The following TAFA2 variants were observed in gnomAD, a reference collection of about 807,000 sequenced individuals.
TAFA2 encodes chemokine-like protein TAFA-2.
TAFA2 carries 7 observed loss-of-function variants against 18.8 expected under a neutral mutation model. The ratio of observed to expected loss-of-function variants is 0.37; its 90% CI spans 0.21 to 0.70. The LOEUF (loss-of-function observed/expected upper bound fraction) is 0.70, where lower values mean the gene tolerates loss of function less well. Ranked by LOEUF, TAFA2 falls within the 30% of genes least tolerant of loss-of-function variation. TAFA2 has a pLI of 0.53. For missense variants in TAFA2, 122 were observed against 158.1 expected (o/e 0.77, Z 1.23); for synonymous variants, 60 against 54.2 (o/e 1.11, Z -0.47).
chr12:62,077,555 T>C (rs924973810), intron 1 of TAFA2, among the ~76,000 whole-genome samples: 4 of 152,150 alleles, frequency 2.6e-5, no homozygotes, highest in Non-Finnish European at 5.9e-5. Context: ...AATGACTGGA[T>C]TGTTAAATCC....
At chr12:61,941,885 C>T (rs1342799944) in intron 1 of TAFA2, among the ~76,000 whole-genome samples, 5 of 152,158 alleles carry the variant, frequency 3.3e-5, no homozygotes, top group African/African-American at 9.7e-5. Context: ...GAGGGGCGCC[C>T]GCCATTGCCC....
rs1873404768 is a variant in TAFA2 at position 61,846,329 on chromosome 12, T to C, written c.106+20991A>G. On this transcript the variant is annotated intron_variant, in intron 2 of 4. Coordinates refer to ENST00000416284, the MANE Select transcript of TAFA2 (RefSeq NM_178539.5). Reference sequence around the variant, plus strand: ...ACACCTTCTTCAAGGTATTAAGATGTTGGGCTCTTTCTTTTCTGAGCAAAC... The same window carrying C: ...ACACCTTCTTCAAGGTATTAAGATGCTGGGCTCTTTCTTTTCTGAGCAAAC... Among the ~76,000 whole-genome samples, 5 of 152,140 alleles carry C rather than the reference T, an allele frequency of 3.3e-5. No homozygotes were observed. The South Asian group carries it at 8.3e-4, about 25-fold the overall frequency.
chr12:61,725,851 C>G (rs972305037), intron 4 of TAFA2, among the ~76,000 whole-genome samples: 1 of 151,848 alleles, frequency 6.6e-6, no homozygotes, highest in African/African-American at 2.4e-5. Flanking sequence ...TCTCACTTAT[C>G]AGTGAAAGCT....
chr12:61,891,413 G>A (rs552023009), intron 1 of TAFA2, among the ~76,000 whole-genome samples: 10 of 152,154 alleles, frequency 6.6e-5, no homozygotes, highest in South Asian at 2.1e-4. Context: ...TTGGGAGGCC[G>A]AGGTGGGCGG....
intron 2 of TAFA2, chr12:61,776,361 G>T: frequency 5.8e-6 from 1 of 172,356 alleles, no homozygotes; most frequent in Non-Finnish European, 1.2e-5. Flanking sequence ...CCAACGGAAA[G>T]GAGCCTGGGC....
intron 1 of TAFA2, among the ~76,000 whole-genome samples, chr12:62,046,928 G>A (rs1166633435): frequency 6.6e-6 from 1 of 151,628 alleles, no homozygotes; most frequent in Non-Finnish European, 1.5e-5. Context: ...TAGGTTGGAG[G>A]GTACATGTGC....
At chr12:62,111,877 G>A (rs1351886510) in intron 1 of TAFA2, among the ~76,000 whole-genome samples, 1 of 152,096 alleles carries the variant, frequency 6.6e-6, no homozygotes, top group East Asian at 1.9e-4. Flanking sequence ...GAGCCTATGT[G>A]TGTCTTTGCA....
chr12:61,730,761 C>T (rs1870404800), intron 4 of TAFA2, among the ~76,000 whole-genome samples: 1 of 152,066 alleles, frequency 6.6e-6, no homozygotes, highest in South Asian at 2.1e-4. Flanking sequence ...CTGCCATGCT[C>T]CCCCAACAGC....
intron 1 of TAFA2, among the ~76,000 whole-genome samples, chr12:62,248,060 G>A (rs1474193579): frequency 6.6e-6 from 1 of 152,128 alleles, no homozygotes; most frequent in Non-Finnish European, 1.5e-5. Flanking sequence ...ACATTGAAAG[G>A]TGAGGAGAGC....
At chr12:62,162,038 T>A (rs1030359859) in intron 1 of TAFA2, among the ~76,000 whole-genome samples, 7 of 152,234 alleles carry the variant, frequency 4.6e-5, no homozygotes, top group African/African-American at 1.7e-4. Context: ...ATGTGTTAAG[T>A]TCTTTCTCTG....
intron 2 of TAFA2, among the ~76,000 whole-genome samples, chr12:61,803,660 G>A (rs1871487910): frequency 6.6e-6 from 1 of 151,764 alleles, no homozygotes; most frequent in Non-Finnish European, 1.5e-5. Context: ...CATGCTATTA[G>A]ATAACTATAG....
intron 2 of TAFA2, among the ~76,000 whole-genome samples, chr12:61,840,236 C>A (rs1228141161): frequency 6.6e-6 from 1 of 151,984 alleles, no homozygotes; most frequent in Non-Finnish European, 1.5e-5. Context: ...TAGGTTAATT[C>A]TGACTTAATA....
chr12:62,184,012 T>A (rs1261729608), intron 1 of TAFA2, among the ~76,000 whole-genome samples: 1 of 152,176 alleles, frequency 6.6e-6, no homozygotes, highest in Non-Finnish European at 1.5e-5. Flanking sequence ...TACTAAATTA[T>A]AAGATTAAAT....
At position 61,867,258 on chromosome 12, in the gene TAFA2, C is replaced by T. The variant is rs1185277280; in HGVS notation, c.106+62G>A. On this transcript the variant is annotated intron_variant, in intron 2 of 4. Coordinates refer to ENST00000416284, the MANE Select transcript of TAFA2 (RefSeq NM_178539.5). ...ACAGACCAGTGGAGGCAAAACATAA[C>T]AGTCTGTGTTAAGGGTAGTCATCAT... 12 of 1,044,694 alleles carry T rather than the reference C, an allele frequency of 1.1e-5. No homozygotes were observed. In the Admixed American group the frequency reaches 2.6e-4, roughly 22 times the overall value. 64.7% of individuals were successfully genotyped at this position (1,044,694 alleles called of 1,614,324 possible).
chr12:61,925,723 A>T (rs1592491213), intron 1 of TAFA2, among the ~76,000 whole-genome samples: 1 of 152,098 alleles, frequency 6.6e-6, no homozygotes, highest in Non-Finnish European at 1.5e-5. Flanking sequence ...GAAATTTATA[A>T]CACTAAATGC....
chr12:61,939,540 T>C (rs140760819), intron 1 of TAFA2, among the ~76,000 whole-genome samples: 2 of 152,328 alleles, frequency 1.3e-5, no homozygotes, highest in African/African-American at 4.8e-5. Flanking sequence ...AGTTCTACCC[T>C]TAACTACTTG....
chr12:61,995,149 C>T (rs1880143304), intron 1 of TAFA2, among the ~76,000 whole-genome samples: 1 of 152,194 alleles, frequency 6.6e-6, no homozygotes, highest in African/African-American at 2.4e-5. Context: ...CAAGGCTACA[C>T]ATAATCTCCC....
At chr12:62,043,627 A>G (rs1001867424) in intron 1 of TAFA2, among the ~76,000 whole-genome samples, 5 of 152,072 alleles carry the variant, frequency 3.3e-5, no homozygotes, top group Non-Finnish European at 7.4e-5. Context: ...AATAAAATTT[A>G]AAAAAAAGAA....
At chr12:62,122,892 C>G (rs185470890) in intron 1 of TAFA2, among the ~76,000 whole-genome samples, 126 of 152,278 alleles carry the variant, frequency 8.3e-4, no homozygotes, top group African/African-American at 3.0e-3. Flanking sequence ...ACCATACCTT[C>G]TTTTCCATGG....
Sources: allele counts gnomAD v4.1 joint callset (sites outside exome capture counted in the v4.1 genomes callset), GRCh38; gene constraint gnomAD v4.1.1; transcripts MANE v1.5; gene names NCBI Gene and HGNC (gene_info 2026-07-23, HGNC 2026-07-21).